Variants in ATRNL1 observed in about 807,000 individuals in gnomAD.
ATRNL1 encodes the protein attractin-like protein 1.
Under a neutral mutation model 182.7 loss-of-function variants are expected in ATRNL1, and 95 were observed. The ratio of observed to expected loss-of-function variants is 0.52; its 90% CI spans 0.44 to 0.62. ATRNL1 has a LOEUF of 0.62. Ranked by LOEUF, ATRNL1 falls within the 20% of genes least tolerant of loss-of-function variation. ATRNL1 has a pLI of 0.00. For missense variants in ATRNL1, 1,471 were observed against 1,679.5 expected, an observed-to-expected ratio of 0.88 and a Z score of 2.17; for synonymous variants, 576 against 568.3, an observed-to-expected ratio of 1.01 and a Z score of -0.19.
chr10:115,468,972 G>A (rs557467646), intron 23 of ATRNL1, among the ~76,000 whole-genome samples, 200 bp from the exon 24 acceptor site: 1 of 150,500 alleles, frequency 6.6e-6, no homozygotes, highest in African/African-American at 2.4e-5. Context: ...TTAATCAGTG[G>A]TAGCATTTTT....
intron 28 of ATRNL1, among the ~76,000 whole-genome samples, chr10:115,868,229 G>T (rs1249749355): frequency 2.6e-5 from 4 of 152,070 alleles, no homozygotes. Context: ...TAGCTCCTTT[G>T]CCTTCTCTTT....
At chr10:115,172,182 T>A (rs1847320941) in intron 8 of ATRNL1, among the ~76,000 whole-genome samples, 1 of 151,974 alleles carries the variant, frequency 6.6e-6, no homozygotes, top group Non-Finnish European at 1.5e-5. Context: ...AAGTGATGGC[T>A]GTTTTTGTTT....
chr10:115,105,098 G>T (rs1843946198), intron 1 of ATRNL1, among the ~76,000 whole-genome samples: 1 of 151,914 alleles, frequency 6.6e-6, no homozygotes, highest in South Asian at 2.1e-4. Flanking sequence ...AAATGTCATT[G>T]GCATTTTGAT....
chr10:115,506,356 ACG>A (rs1452314869), intron 24 of ATRNL1, among the ~76,000 whole-genome samples: 2 of 152,112 alleles, frequency 1.3e-5, no homozygotes, highest in Non-Finnish European at 2.9e-5. Flanking sequence ...AAACAAACAA[ACG>A]ACAGCAAACA....
chr10:115,495,354 T>C (rs1554977876), intron 24 of ATRNL1, among the ~76,000 whole-genome samples: 1 of 152,200 alleles, frequency 6.6e-6, no homozygotes, highest in African/African-American at 2.4e-5. Flanking sequence ...TCTTATCTTC[T>C]GCTAGCTTTG....
intron 10 of ATRNL1, among the ~76,000 whole-genome samples, chr10:115,247,022 C>T (rs964212021): frequency 1.3e-5 from 2 of 152,028 alleles, no homozygotes; most frequent in Non-Finnish European, 2.9e-5. Context: ...TGAAACTAGA[C>T]CCTCCCCTCT....
At chr10:115,671,015 T>C (rs2532731) in intron 26 of ATRNL1, among the ~76,000 whole-genome samples, 84,210 of 151,926 alleles carry the variant, frequency 0.55, 24,122 homozygotes, top group East Asian at 0.96. Flanking sequence ...TTTGAATATA[T>C]ATTCTGTGGT....
intron 5 of ATRNL1, among the ~76,000 whole-genome samples, chr10:115,142,930 G>A (rs1554878391): frequency 6.6e-6 from 1 of 152,142 alleles, no homozygotes; most frequent in African/African-American, 2.4e-5. Context: ...ATATGAGGAA[G>A]ATTTTAGGAA....
In ATRNL1 at chr10:115,944,695, A is replaced by G. The variant is rs1555125050; in HGVS notation, c.4056A>G (p.Gln1352=). ...AIASALIDIS[Q]QKASDSKDKT... ...CCAGTGCCCTAATAGATATTTCACA[A>G]CAGAAAGCTTCAGATAGTAAAGATA... is the stretch of plus-strand genomic sequence containing the variant. Residue 1352 remains glutamine, a synonymous_variant, in exon 29 of 29, where the codon CAA becomes CAG. Coordinates refer to ENST00000355044, the MANE Select transcript of ATRNL1 (RefSeq NM_207303.4). 2 of 1,613,390 alleles carry G rather than the reference A, an allele frequency of 1.2e-6. No individual in the cohort carries two copies. Among genetic ancestry groups the G allele is most frequent in the Admixed American group, 1.7e-5 (1 of 59,988 alleles).
chr10:115,572,145 A>C (rs1854429763), intron 26 of ATRNL1, among the ~76,000 whole-genome samples: 1 of 152,166 alleles, frequency 6.6e-6, no homozygotes, highest in South Asian at 2.1e-4. Context: ...TATTACTCTA[A>C]ATATATTACA....
chr10:115,713,720 CT>C (rs1229947456), intron 26 of ATRNL1, among the ~76,000 whole-genome samples: 1 of 142,344 alleles, frequency 7.0e-6, no homozygotes, highest in East Asian at 2.2e-4. Context: ...ATCTATCTAT[CT>C]ATCTATCTAT....
In ATRNL1 at chr10:115,620,082, A is replaced by T. The variant is rs1857645358; in HGVS notation, c.3795+70546A>T. Among the ~76,000 whole-genome samples, 3 of 152,356 alleles carry T rather than the reference A, an allele frequency of 2.0e-5. No homozygotes were observed. In the East Asian group the frequency reaches 5.8e-4, roughly 29 times the overall value. ...AATAAAAGAGGTTTATTTTGCTCAC[A>T]GTTCTGCAGTCTGTAGACGTGTGAC... On this transcript the variant is annotated intron_variant, in intron 26 of 28. Transcript: ENST00000355044.
intron 18 of ATRNL1, among the ~76,000 whole-genome samples, chr10:115,329,351 G>T (rs1855082998): frequency 6.6e-6 from 1 of 152,074 alleles, no homozygotes; most frequent in South Asian, 2.1e-4. Flanking sequence ...AGAAGAATGT[G>T]AATTCTGCAG....
At chr10:115,434,002 C>T (rs1046878228) in intron 21 of ATRNL1, among the ~76,000 whole-genome samples, 1 of 152,098 alleles carries the variant, frequency 6.6e-6, no homozygotes, top group Non-Finnish European at 1.5e-5. Context: ...ACCTTTCTCA[C>T]TAAGCCATGT....
chr10:115,371,972 C>T (rs546639361), intron 19 of ATRNL1, among the ~76,000 whole-genome samples: 18 of 152,248 alleles, frequency 1.2e-4, no homozygotes, highest in Middle Eastern at 3.4e-3. Flanking sequence ...ATAAGTCTCA[C>T]GAGATCTGAT....
At chr10:115,448,962 C>T (rs530271132) in intron 21 of ATRNL1, among the ~76,000 whole-genome samples, 13 of 152,208 alleles carry the variant, frequency 8.5e-5, no homozygotes, top group South Asian at 2.1e-4. Flanking sequence ...ACTATTCCTA[C>T]GGAAACTATT....
chr10:115,352,025 T>C (rs533411948), intron 19 of ATRNL1, among the ~76,000 whole-genome samples: 1 of 152,212 alleles, frequency 6.6e-6, no homozygotes, highest in South Asian at 2.1e-4. Context: ...TTTCTGTTTC[T>C]TCATGGTTCA....
At chr10:115,744,045 T>C (rs183146665) in intron 27 of ATRNL1, among the ~76,000 whole-genome samples, 54 of 152,160 alleles carry the variant, frequency 3.5e-4, no homozygotes, top group African/African-American at 1.3e-3. Flanking sequence ...ACATAAATTT[T>C]TTGCTTATAA....
intron 8 of ATRNL1, among the ~76,000 whole-genome samples, chr10:115,198,999 T>A (rs1468982102): frequency 6.6e-6 from 1 of 152,106 alleles, no homozygotes; most frequent in Non-Finnish European, 1.5e-5. Flanking sequence ...TTTTTGTGGT[T>A]TCATACTGAT....
Sources: allele counts gnomAD v4.1 joint callset (sites outside exome capture counted in the v4.1 genomes callset), GRCh38; gene constraint gnomAD v4.1.1; transcripts MANE v1.5; gene names NCBI Gene and HGNC (gene_info 2026-07-23, HGNC 2026-07-21).